Variants in RBFOX1 observed in about 807,000 individuals in gnomAD.
RBFOX1 encodes the protein RNA binding fox-1 homolog 1.
A neutral mutation model predicts 57.7 loss-of-function variants in RBFOX1; 8 were observed. That is an observed-to-expected ratio of 0.14 (90% CI 0.08 to 0.25). The LOEUF is 0.25. RBFOX1 is among the 10% of genes least tolerant of loss of function. The probability of loss-of-function intolerance (pLI) is 1.00; values close to 1 mark genes in which losing one functional copy is unlikely to be tolerated. For synonymous variants in RBFOX1, 326 were observed against 222.4 expected (o/e 1.47, Z -4.15); for missense variants, 611 against 548.5 (o/e 1.11, Z -1.14).
chr16:6,297,306 C>T lies in RBFOX1; in HGVS notation c.-126-19689C>T, dbSNP rs189423575. On this transcript the variant is annotated intron_variant, in intron 1 of 15. Coordinates refer to ENST00000550418, the MANE Select transcript of RBFOX1 (RefSeq NM_018723.4). ...AATGCAGCCCAGTAGGTCTCAGCCT[C>T]ATTTTACCCAGCCCATATTCAAGAT... is the stretch of plus-strand genomic sequence containing the variant. Among the ~76,000 whole-genome samples, 53 of 152,274 alleles carry T rather than the reference C, an allele frequency of 3.5e-4. 1 individual carries two copies. The East Asian group carries it at 8.7e-3, about 25-fold the overall frequency.
intron 4 of RBFOX1, among the ~76,000 whole-genome samples, chr16:7,221,759 A>G (rs1030797939): frequency 6.6e-6 from 1 of 152,176 alleles, no homozygotes; most frequent in Non-Finnish European, 1.5e-5. Flanking sequence ...ATGGCCATCA[A>G]AGTTTGTTAT....
intron 1 of RBFOX1, among the ~76,000 whole-genome samples, chr16:6,140,934 T>G (rs2096711002): frequency 6.6e-6 from 1 of 152,216 alleles, no homozygotes; most frequent in Admixed American, 6.5e-5. Flanking sequence ...ACTCCAGTGG[T>G]CAATGTGTAG....
intron 3 of RBFOX1, among the ~76,000 whole-genome samples, chr16:6,816,504 A>G (rs113126707): frequency 0.09 from 13,641 of 150,808 alleles, 968 homozygotes; most frequent in African/African-American, 0.19. Context: ...TACTTTGGGA[A>G]GCCAAGGCGG....
chr16:5,545,000 G>A (rs1042466950), intron 2 of RBFOX1, among the ~76,000 whole-genome samples: 14 of 104,852 alleles, frequency 1.3e-4, no homozygotes, highest in Non-Finnish European at 1.9e-4. Context: ...TTTTTGATAC[G>A]GAGTCTCGCT....
intron 2 of RBFOX1, among the ~76,000 whole-genome samples, chr16:5,483,073 C>G (rs1275340884): frequency 6.6e-6 from 1 of 152,148 alleles, no homozygotes; most frequent in Non-Finnish European, 1.5e-5. Context: ...CCACAGAGTG[C>G]CTTTAAGTCT....
At chr16:7,595,090 T>C (rs1007798086) in intron 7 of RBFOX1, among the ~76,000 whole-genome samples, 5 of 152,214 alleles carry the variant, frequency 3.3e-5, no homozygotes, top group African/African-American at 9.6e-5. Context: ...ACGGCATGAC[T>C]CTGTAGGCAA....
chr16:7,378,105 T>C (rs903815618), intron 4 of RBFOX1, among the ~76,000 whole-genome samples: 4 of 152,094 alleles, frequency 2.6e-5, no homozygotes, highest in Admixed American at 6.5e-5. Flanking sequence ...AAAAGAATAA[T>C]TGAGAAGTAG....
intron 2 of RBFOX1, among the ~76,000 whole-genome samples, chr16:6,558,750 A>C (rs984047092): frequency 3.3e-5 from 5 of 152,072 alleles, no homozygotes; most frequent in Non-Finnish European, 4.4e-5. Flanking sequence ...TGTTTCAGCT[A>C]AGATGATTAA....
At chr16:7,418,292 C>T (rs2098504142) in intron 4 of RBFOX1, among the ~76,000 whole-genome samples, 1 of 152,200 alleles carries the variant, frequency 6.6e-6, no homozygotes, top group African/African-American at 2.4e-5. Flanking sequence ...CCAGAAAGGA[C>T]TGCATGTTGT....
chr16:6,607,572 C>G (rs897413093), intron 2 of RBFOX1, among the ~76,000 whole-genome samples: 1 of 149,594 alleles, frequency 6.7e-6, no homozygotes, highest in South Asian at 2.1e-4. Context: ...CCTCCTCTCT[C>G]TCCGTCCTGT....
intron 1 of RBFOX1, among the ~76,000 whole-genome samples, chr16:6,121,778 G>C (rs2152636790): frequency 6.6e-6 from 1 of 152,276 alleles, no homozygotes; most frequent in South Asian, 2.1e-4. Flanking sequence ...CTCTCAGACT[G>C]TTTCCTCCTC....
chr16:6,703,485 G>T (rs1217661353), intron 3 of RBFOX1, among the ~76,000 whole-genome samples: 2 of 145,188 alleles, frequency 1.4e-5, no homozygotes, highest in African/African-American at 5.2e-5. Context: ...GCTGAGATGG[G>T]AGGATTGCTT....
chr16:6,725,096 G>C (rs144046744), intron 3 of RBFOX1, among the ~76,000 whole-genome samples: 528 of 124,032 alleles, frequency 4.3e-3, no homozygotes, highest in African/African-American at 0.011. Flanking sequence ...TGTCGCCCTT[G>C]CTGGAGTGCA....
At chr16:5,569,565 T>A (rs1191949074) in intron 2 of RBFOX1, among the ~76,000 whole-genome samples, 1 of 149,000 alleles carries the variant, frequency 6.7e-6, no homozygotes, top group East Asian at 2.1e-4. Flanking sequence ...ATGCGGTGGA[T>A]ACATACCATC....
At chr16:5,679,315 C>T (rs1248401488) in intron 3 of RBFOX1, among the ~76,000 whole-genome samples, 2 of 151,878 alleles carry the variant, frequency 1.3e-5, no homozygotes, top group African/African-American at 2.4e-5. Flanking sequence ...AGTTGTATGA[C>T]TGACCACCAA....
chr16:6,120,247 A>C (rs1482210260), intron 1 of RBFOX1, among the ~76,000 whole-genome samples: 1 of 152,174 alleles, frequency 6.6e-6, no homozygotes, highest in Non-Finnish European at 1.5e-5. Context: ...TTTATGGAGA[A>C]GTATTTGTTT....
At chr16:6,198,102 C>G (rs1276042237) in intron 1 of RBFOX1, among the ~76,000 whole-genome samples, 1 of 152,100 alleles carries the variant, frequency 6.6e-6, no homozygotes, top group Non-Finnish European at 1.5e-5. Flanking sequence ...TTCACCTGGT[C>G]CTGTGCATTT....
chr16:6,993,944 G>C (rs140792068), intron 3 of RBFOX1, among the ~76,000 whole-genome samples: 1 of 152,286 alleles, frequency 6.6e-6, no homozygotes, highest in Non-Finnish European at 1.5e-5. Flanking sequence ...AAATGATTTG[G>C]TGCAAGGCAG....
chr16:5,436,683 C>G (rs866443391), intron 1 of RBFOX1, among the ~76,000 whole-genome samples: 1 of 151,960 alleles, frequency 6.6e-6, no homozygotes. Context: ...ACTCAAAATA[C>G]AAAAATTAGC....
Sources: allele counts gnomAD v4.1 joint callset (sites outside exome capture counted in the v4.1 genomes callset), GRCh38; gene constraint gnomAD v4.1.1; transcripts MANE v1.5; gene names NCBI Gene and HGNC (gene_info 2026-07-23, HGNC 2026-07-21).